Variants in MRPL22 observed in about 807,000 individuals in gnomAD.
The protein encoded by MRPL22 is mitochondrial ribosomal protein L22.
A neutral mutation model predicts 32.4 loss-of-function variants in MRPL22; 27 were observed. The observed-to-expected ratio is 0.83, with a 90% CI of 0.61 to 1.15. The LOEUF is 1.15. MRPL22 is among the 50% of genes most tolerant of loss of function. The pLI is 0.00. For synonymous variants in MRPL22, 86 were observed against 87.3 expected (o/e 0.99, Z 0.08); for missense variants, 239 against 260.2 (o/e 0.92, Z 0.56).
chr5:154,950,340 T>A (rs995501833), intron 2 of MRPL22, among the ~76,000 whole-genome samples: 2 of 152,198 alleles, frequency 1.3e-5, no homozygotes, highest in African/African-American at 4.8e-5. Context: ...CCATATCAAT[T>A]AGGAAGTTCA....
chr5:154,959,521 T>G (rs1764674570), intron 5 of MRPL22, among the ~76,000 whole-genome samples: 1 of 151,852 alleles, frequency 6.6e-6, no homozygotes, highest in Admixed American at 6.6e-5. Flanking sequence ...TTTTTGTGTT[T>G]TTAGTAGAGG....
At chr5:154,951,417 G>A (rs1049879573) in intron 3 of MRPL22, among the ~76,000 whole-genome samples, 4 of 151,994 alleles carry the variant, frequency 2.6e-5, no homozygotes, top group Admixed American at 6.6e-5. Flanking sequence ...TTATCTTATC[G>A]TTATCTGCAC....
chr5:154,966,249 C>G (rs1409357174), intron 6 of MRPL22, among the ~76,000 whole-genome samples: 1 of 152,162 alleles, frequency 6.6e-6, no homozygotes, highest in African/African-American at 2.4e-5. Context: ...GCCTGGAATA[C>G]CCTGTCCCTA....
intron 5 of MRPL22, 54 bp from the exon 6 acceptor site, chr5:154,959,926 T>C: frequency 1.6e-6 from 2 of 1,288,800 alleles, no homozygotes; most frequent in Non-Finnish European, 1.1e-6. Context: ...AGAAACTTAA[T>C]TCCATTTTAC....
chr5:154,941,343 G>T, intron 2 of MRPL22, 78 bp downstream of exon 2: 9 of 1,568,566 alleles, frequency 5.7e-6, no homozygotes, highest in Non-Finnish European at 7.8e-6. Flanking sequence ...GAGCGCCTCC[G>T]TGCCTAACTG....
chr5:154,968,519 A>C lies in MRPL22; in HGVS notation c.*1622A>C, dbSNP rs1283746595. 2.0e-5 allele frequency: 3 copies of C among 152,198 alleles called. No homozygotes were observed. The highest frequency in any genetic ancestry group is 7.2e-5 in the African/African-American group (3 of 41,450). 9.4% of individuals were successfully genotyped at this position (152,198 alleles called of 1,614,324 possible). The stretch of plus-strand genomic sequence containing the variant: ...AAACCTTTTTTAGAATCACTTGAAG[A>C]ATTTGTTTAAAAATGCAAATTCCTG... On this transcript the variant is annotated 3_prime_UTR_variant, in exon 7 of 7. Coordinates refer to ENST00000523037, the MANE Select transcript of MRPL22 (RefSeq NM_014180.4).
At chr5:154,950,483 G>C (rs1048168129) in intron 2 of MRPL22, among the ~76,000 whole-genome samples, 5 of 152,206 alleles carry the variant, frequency 3.3e-5, no homozygotes, top group African/African-American at 1.2e-4. Context: ...TTACAGGTCA[G>C]ATCAGAGAGC....
intron 3 of MRPL22, among the ~76,000 whole-genome samples, chr5:154,952,629 T>C (rs1764578341): frequency 2.0e-5 from 3 of 152,218 alleles, no homozygotes; most frequent in South Asian, 4.1e-4. Context: ...TAATTTAATA[T>C]TGGTACATCA....
Position 154,944,651 on chromosome 5 carries a change from A to T in MRPL22, c.77+3386A>T, listed in dbSNP as rs532685530. Among the ~76,000 whole-genome samples the T allele has an allele frequency of 2.6e-5, 4 of 152,324 alleles. No individual in the cohort carries two copies. In the South Asian group the frequency reaches 8.3e-4, roughly 32 times the overall value. On this transcript the variant is annotated intron_variant, in intron 2 of 6. Transcript: ENST00000523037. ...TACAATATAGTAAGGGGGGCAAATAAGCAAAATAAGTAAAATATAGAGTAT... is the reference window on the plus strand; with the variant it reads ...TACAATATAGTAAGGGGGGCAAATATGCAAAATAAGTAAAATATAGAGTAT...
chr5:154,950,992 A>G, intron 3 of MRPL22, 54 bp downstream of exon 3: 4 of 1,101,298 alleles, frequency 3.6e-6, no homozygotes, highest in Non-Finnish European at 5.4e-6. Context: ...CTTACTCTTA[A>G]GTGATTAGTA....
At chr5:154,956,999 T>G in intron 4 of MRPL22, 136 bp from the exon 5 acceptor site, 1 of 737,328 alleles carries the variant, frequency 1.4e-6, no homozygotes, top group Non-Finnish European at 2.2e-6. Context: ...CTCTCAAACT[T>G]GTTTTCTTCT....
At chr5:154,966,535 GGAGATAGTTGTTTT>G (rs1764768731) in intron 6 of MRPL22, 137 bp from the exon 7 acceptor site, 6 of 720,760 alleles carry the variant, frequency 8.3e-6, no homozygotes, top group Non-Finnish European at 1.4e-5. Flanking sequence ...TTAGCATTCA[GGAGATAGTTGTTTT>G]GAGACAAGCC....
At chr5:154,944,155 A>G (rs1764457629) in intron 2 of MRPL22, among the ~76,000 whole-genome samples, 1 of 152,052 alleles carries the variant, frequency 6.6e-6, no homozygotes, top group South Asian at 2.1e-4. Flanking sequence ...ATGGGGTTTC[A>G]CCATGTTGGC....
Position 154,957,156 on chromosome 5 carries a change from C to G in MRPL22, c.283C>G (p.Gln95Glu), listed in dbSNP as rs1764641152. Residue 95 changes from glutamine (Q) to glutamate (E), a missense_variant, in exon 5 of 7, where the codon CAG (glutamine) becomes GAG (glutamate). Transcript: ENST00000523037. ...CTAGATACGAGGAATGTCTATTGAC[C>G]AGGCTTTGGCTCAGTTGGAATTCAA... is the stretch of plus-strand genomic sequence containing the variant. ...AKLIRGMSID[Q>E]ALAQLEFNDK... The G allele has an allele frequency of 6.2e-7, 1 of 1,613,120 alleles. No homozygotes were observed. The highest frequency in any genetic ancestry group is 8.5e-7 in the Non-Finnish European group (1 of 1,179,438).
chr5:154,955,146 A>G (rs1394050771), intron 3 of MRPL22: 1 of 152,174 alleles, frequency 6.6e-6, no homozygotes. Context: ...TTTGCAGATT[A>G]TTATTATCAG....
At chr5:154,964,214 T>C (rs1482280574) in intron 6 of MRPL22, among the ~76,000 whole-genome samples, 1 of 152,202 alleles carries the variant, frequency 6.6e-6, no homozygotes, top group African/African-American at 2.4e-5. Context: ...CTTGATATCT[T>C]GGTCACCACT....
At chr5:154,953,362 G>GAAAAA (rs573134537) in intron 3 of MRPL22, among the ~76,000 whole-genome samples, 1 of 69,260 alleles carries the variant, frequency 1.4e-5, no homozygotes, top group African/African-American at 5.2e-5. Flanking sequence ...CGTCTCAGGA[G>GAAAAA]AAAAAAAAAA....
chr5:154,950,624 C>G (rs1582689489), intron 2 of MRPL22, among the ~76,000 whole-genome samples, 197 bp from the exon 3 acceptor site: 1 of 152,176 alleles, frequency 6.6e-6, no homozygotes, highest in African/African-American at 2.4e-5. Context: ...TACTTTCTCT[C>G]CTGTTAGCCT....
chr5:154,949,683 T>C (rs1430251118), intron 2 of MRPL22, among the ~76,000 whole-genome samples: 1 of 152,172 alleles, frequency 6.6e-6, no homozygotes, highest in Non-Finnish European at 1.5e-5. Context: ...GTGATTTTAT[T>C]TAGTGATATA....
Sources: gnomAD v4.1 joint callset for allele counts (sites outside exome capture counted in the v4.1 genomes callset) on GRCh38, gnomAD v4.1.1 for gene constraint, MANE v1.5 for transcripts, NCBI Gene and HGNC (gene_info 2026-07-23, HGNC 2026-07-21) for gene names.